The following KIRREL2 variants were observed in gnomAD, a reference collection of about 807,000 sequenced individuals.
The protein encoded by KIRREL2 is kirre like nephrin family adhesion molecule 2, also known as kin of IRRE-like protein 2.
In KIRREL2, 56 loss-of-function variants were observed where a neutral mutation model predicts 73.4. The ratio of observed to expected loss-of-function variants is 0.76; its 90% CI spans 0.62 to 0.95. KIRREL2 has a LOEUF of 0.95. Among genes scored for constraint, KIRREL2 ranks in the 40% least tolerant of loss-of-function variants. The probability of loss-of-function intolerance (pLI) is 0.00; values close to 1 mark genes in which losing one functional copy is unlikely to be tolerated. For missense variants in KIRREL2, 896 were observed against 935.0 expected (o/e 0.96, Z 0.54); for synonymous variants, 407 against 404.0 (o/e 1.01, Z -0.09).
chr19:35,863,896 C>G (rs1489935500), intron 13 of KIRREL2, among the ~76,000 whole-genome samples: 3 of 152,122 alleles, frequency 2.0e-5, no homozygotes, highest in Non-Finnish European at 4.4e-5. Flanking sequence ...GCCTCAGCCT[C>G]CAGAGTAGCT....
intron 2 of KIRREL2, 126 bp from the exon 3 acceptor site, chr19:35,858,282 A>G (rs1442034381): frequency 3.5e-6 from 4 of 1,131,074 alleles, no homozygotes; most frequent in African/African-American, 1.5e-5. Flanking sequence ...CCCAGTACAC[A>G]CTTTTTAATA....
upstream of KIRREL2, among the ~76,000 whole-genome samples, chr19:35,853,769 C>T (rs1333181482): frequency 6.6e-6 from 1 of 151,700 alleles, no homozygotes; most frequent in Non-Finnish European, 1.5e-5. Flanking sequence ...ACCTCCTAGG[C>T]TCAAGTGTTC....
intron 13 of KIRREL2, among the ~76,000 whole-genome samples, chr19:35,863,988 G>T (rs957667784): frequency 2.6e-5 from 4 of 151,376 alleles, no homozygotes; most frequent in Non-Finnish European, 5.9e-5. Context: ...TGTTAGCCAG[G>T]ATGGTCTGGA....
Position 35,861,547 on chromosome 19 carries a change from C to G in KIRREL2, c.1196C>G (p.Pro399Arg), listed in dbSNP as rs143998191. 17 of 1,613,792 alleles carry G rather than the reference C, an allele frequency of 1.1e-5. No homozygotes were observed. Among genetic ancestry groups the G allele is most frequent in the East Asian group, 4.5e-5 (2 of 44,888 alleles). Reference protein sequence around the residue: ...AEARLTVNAPPVVTALHSAPA... With the variant: ...AEARLTVNAPRVVTALHSAPA... ...CCTACAGTCTCCATCCCAGCTCCCC[C>G]AGTAGTGACCGCCCTGCACTCTGCG... Residue 399 changes from proline to arginine, a missense_variant, in exon 10 of 15, where the codon CCA (proline) becomes CGA (arginine). By Grantham distance (103) the Pro-to-Arg change is moderately radical (BLOSUM62 -2). Transcript: ENST00000360202.
intron 1 of KIRREL2, 32 bp downstream of exon 1, chr19:35,857,212 G>C: frequency 6.3e-7 from 1 of 1,587,978 alleles, no homozygotes; most frequent in Non-Finnish European, 8.6e-7. Context: ...GGAATATGGG[G>C]TGGGGGTGGG....
In KIRREL2 at chr19:35,860,877, C is replaced by T. The variant is rs773564275; in HGVS notation, c.929-32C>T. 9 of 1,612,482 alleles carry T rather than the reference C, an allele frequency of 5.6e-6. No homozygotes were observed. In the East Asian group the frequency reaches 1.3e-4, roughly 24 times the overall value. On this transcript the variant is annotated intron_variant, in intron 7 of 14. Transcript: ENST00000360202. ...CCAGGTCAGTGGCTGCATTCCGCCC[C>T]GGCCATGTGACCCCTAGTCTCTTTC...
intron 5 of KIRREL2, 59 bp from the exon 6 acceptor site, chr19:35,860,238 G>C: frequency 7.1e-7 from 1 of 1,409,802 alleles, no homozygotes; most frequent in South Asian, 1.2e-5. Context: ...TGGACACCTA[G>C]GCCAGTGACG....
upstream of KIRREL2, among the ~76,000 whole-genome samples, chr19:35,853,837 ATT>A (rs759219505): frequency 5.7e-3 from 395 of 69,418 alleles, 2 homozygotes; most frequent in African/African-American, 0.024. Flanking sequence ...CACTCTGGCT[ATT>A]TTTTTTTTTT....
intron 14 of KIRREL2, among the ~76,000 whole-genome samples, chr19:35,865,490 T>C (rs1009392889): frequency 1.3e-5 from 2 of 152,286 alleles, no homozygotes; most frequent in Middle Eastern, 6.8e-3. Context: ...CCTACCTTCC[T>C]TCCCATGTCT....
rs889739176 is a variant in KIRREL2, at chr19:35,860,639, C to T, written c.900C>T (p.Ala300=). ...AGGTCAGCAACGCCGTGGGTAGCGC[C>T]AACCGCAGTACTGCGCTGGATGTGC... ...SCEVSNAVGS[A]NRSTALDVLF... Residue 300 remains alanine (A), a synonymous_variant, in exon 7 of 15, where the codon GCC becomes GCT. Transcript: ENST00000360202. 1.4e-5 allele frequency: 22 copies of T among 1,603,382 alleles called. No homozygotes were observed. The highest frequency in any genetic ancestry group is 1.9e-5 in the Non-Finnish European group (22 of 1,179,926).
Position 35,861,812 on chromosome 19 carries a change from C to G in KIRREL2, c.1298C>G (p.Ser433Cys), listed in dbSNP as rs763609845. 6.3e-6 allele frequency: 10 copies of G among 1,588,214 alleles called. No homozygotes were observed. The South Asian group carries it at 1.1e-4, about 18-fold the overall frequency. ...ASPAPDAVVW[S>C]WDEGFLEAGS... Reference sequence around the variant, plus strand: ...CCTCTTTTGTGCCCCCAGGTCTGGTCTTGGGATGAGGGCTTCCTGGAGGCG... The same window carrying G: ...CCTCTTTTGTGCCCCCAGGTCTGGTGTTGGGATGAGGGCTTCCTGGAGGCG... Residue 433 changes from serine (S) to cysteine (C), a missense_variant, in exon 11 of 15, where the codon TCT (serine) becomes TGT (cysteine). Ser to Cys is a moderately radical substitution (Grantham distance 112). Coordinates refer to ENST00000360202, the MANE Select transcript of KIRREL2 (RefSeq NM_199180.4).
chr19:35,852,396 G>A (rs1973293861), upstream of KIRREL2, among the ~76,000 whole-genome samples: 2 of 151,920 alleles, frequency 1.3e-5, no homozygotes, highest in Admixed American at 6.6e-5. Context: ...CTTTCAAGAA[G>A]GACCTGCAGC....
At chr19:35,860,721 C>A (rs979881631) in intron 7 of KIRREL2, 54 bp downstream of exon 7, 4 of 1,595,804 alleles carry the variant, frequency 2.5e-6, no homozygotes, top group Non-Finnish European at 3.4e-6. Flanking sequence ...GCTTTCAGGG[C>A]TGTTGAGGGT....
intron 11 of KIRREL2, 84 bp from the exon 12 acceptor site, chr19:35,862,409 C>A: frequency 1.9e-6 from 2 of 1,038,292 alleles, no homozygotes; most frequent in Admixed American, 1.8e-5. Flanking sequence ...CCTTTTGAAC[C>A]CAGGAATCCC....
Position 35,858,411 on chromosome 19 carries a change from G to A in KIRREL2, c.215G>A (p.Trp72Ter). The stretch of plus-strand genomic sequence containing the variant: ...ACTGCCTTCTCCCTGACTCCAGGGT[G>A]GTCCCGGTACTGGATATCAGGGAAT... ...ALGGQRDLPGWSRYWISGNAA... is the reference protein window; with the variant it reads ...ALGGQRDLPG The change falls in exon 3 of 15, where the codon TGG (tryptophan) becomes TAG (stop). Residue 72 changes from tryptophan (W) to a stop codon, truncating the protein, a stop_gained. Transcript: ENST00000360202. LOFTEE classifies it high-confidence loss of function. 1 of 1,613,380 alleles carries A rather than the reference G, an allele frequency of 6.2e-7. No individual in the cohort carries two copies. The highest frequency in any genetic ancestry group is 8.5e-7 in the Non-Finnish European group (1 of 1,179,456).
chr19:35,859,351 C>T (rs1307674225), intron 4 of KIRREL2, 130 bp from the exon 5 acceptor site: 18 of 766,690 alleles, frequency 2.3e-5, no homozygotes, highest in Non-Finnish European at 3.5e-5. Flanking sequence ...AATTTTTTAG[C>T]TCATCAGCTA....
chr19:35,864,686 G>A lies in KIRREL2; in HGVS notation c.1764G>A (p.Leu588=). 6.2e-7 allele frequency: 1 copy of A among 1,613,108 alleles called. No individual in the cohort carries two copies. Among genetic ancestry groups the A allele is most frequent in the Non-Finnish European group, 8.5e-7 (1 of 1,179,124 alleles). The change falls in exon 14 of 15, where the codon CTG becomes CTA. Residue 588 remains leucine, a synonymous_variant. Transcript: ENST00000360202. ...ACACTGACCACAGTGATCTGGTTCT[G>A]GAGGAGGAAGGGACTCTGGAGACCA... ...IVHTDHSDLV[L]EEEGTLETKD... is the part of the protein sequence containing the mutation.
rs1214108872 is a variant in KIRREL2 at position 35,859,558 on chromosome 19, C to T, written c.600C>T (p.Ala200=). 1 of 1,614,038 alleles carries T rather than the reference C, an allele frequency of 6.2e-7. No individual in the cohort carries two copies. Among genetic ancestry groups the T allele is most frequent in the African/African-American group, 1.3e-5 (1 of 74,924 alleles). The part of the protein sequence containing the change: ...TLTPFSHDDG[A]TFVCRARSQA... ...CCCCTTTCAGCCATGATGATGGAGC[C>T]ACCTTTGTCTGCCGGGCCCGGAGCC... Residue 200 remains alanine (A), a synonymous_variant, in exon 5 of 15, where the codon GCC becomes GCT. Transcript: ENST00000360202.
At chr19:35,864,067 G>A (rs1196546854) in intron 13 of KIRREL2, among the ~76,000 whole-genome samples, 2 of 152,006 alleles carry the variant, frequency 1.3e-5, no homozygotes, top group Admixed American at 6.6e-5. Flanking sequence ...GAGCCACCGC[G>A]CCCGGCCAAG....
Sources: allele counts gnomAD v4.1 joint callset (sites outside exome capture counted in the v4.1 genomes callset), GRCh38; gene constraint gnomAD v4.1.1; transcripts MANE v1.5; gene names NCBI Gene and HGNC (gene_info 2026-07-23, HGNC 2026-07-21).